Variants in AGBL4 observed in about 807,000 individuals in gnomAD.
AGBL4 encodes AGBL carboxypeptidase 4.
A neutral mutation model predicts 66.4 loss-of-function variants in AGBL4; 58 were observed. That is an observed-to-expected ratio of 0.87 (90% CI 0.71 to 1.09). AGBL4 has a LOEUF of 1.09. AGBL4 is among the 50% of genes least tolerant of loss of function. The pLI is 0.00. For missense variants in AGBL4, 579 were observed against 631.0 expected, an observed-to-expected ratio of 0.92 and a Z score of 0.88; for synonymous variants, 234 against 222.9, an observed-to-expected ratio of 1.05 and a Z score of -0.44.
chr1:49,071,210 A>AT, intron 4 of AGBL4, among the ~76,000 whole-genome samples: 1 of 151,566 alleles, frequency 6.6e-6, no homozygotes, highest in African/African-American at 2.4e-5. Flanking sequence ...GGGTTCATTG[A>AT]TTTTTTGAAG....
At chr1:49,299,328 G>C (rs1557818621) in intron 3 of AGBL4, among the ~76,000 whole-genome samples, 1 of 152,180 alleles carries the variant, frequency 6.6e-6, no homozygotes, top group Non-Finnish European at 1.5e-5. Flanking sequence ...AACACAGCTT[G>C]TGGTAGAATG....
chr1:49,656,501 T>A (rs1336519200), intron 3 of AGBL4, among the ~76,000 whole-genome samples: 1 of 152,156 alleles, frequency 6.6e-6, no homozygotes, highest in African/African-American at 2.4e-5. Flanking sequence ...CCCTAACTCA[T>A]TTTATGAGGC....
chr1:49,721,072 G>T (rs1424477050), intron 2 of AGBL4, among the ~76,000 whole-genome samples: 1 of 152,076 alleles, frequency 6.6e-6, no homozygotes, highest in East Asian at 1.9e-4. Flanking sequence ...CAAGGGGATT[G>T]TAAAATGCTT....
intron 3 of AGBL4, among the ~76,000 whole-genome samples, chr1:49,636,331 C>T (rs1645671470): frequency 6.6e-6 from 1 of 152,138 alleles, no homozygotes; most frequent in African/African-American, 2.4e-5. Flanking sequence ...TGGTATATTG[C>T]TGAGAGAAAG....
chr1:49,991,674 A>AGT, intron 1 of AGBL4, among the ~76,000 whole-genome samples: 1 of 152,192 alleles, frequency 6.6e-6, no homozygotes, highest in Non-Finnish European at 1.5e-5. Flanking sequence ...CAAGGTGCCT[A>AGT]AAATAAATCT....
rs116165147 is a variant in AGBL4, at chr1:49,262,281, C to T, written c.283-16417G>A. Among the ~76,000 whole-genome samples, 820 of 152,204 alleles carry T rather than the reference C, an allele frequency of 5.4e-3. 8 individuals carry two copies. The highest frequency in any genetic ancestry group is 6.4e-3 in the Non-Finnish European group (434 of 68,016). On this transcript the variant is annotated intron_variant, in intron 3 of 13. Transcript: ENST00000371839. ...ACTTCATGTCTAAAACACTTCATGGCGACAAAAGACAAAATTGACAAATGG... is the reference window on the plus strand; with the variant it reads ...ACTTCATGTCTAAAACACTTCATGGTGACAAAAGACAAAATTGACAAATGG...
intron 1 of AGBL4, among the ~76,000 whole-genome samples, chr1:49,960,921 G>A (rs1657068110): frequency 1.3e-5 from 2 of 151,960 alleles, no homozygotes; most frequent in Non-Finnish European, 2.9e-5. Context: ...GAATATTTGT[G>A]AGCCACGTGA....
Position 48,886,655 on chromosome 1 carries a change from C to A in AGBL4, c.595-19425G>T, listed in dbSNP as rs1650379184. On this transcript the variant is annotated intron_variant, in intron 5 of 13. Transcript: ENST00000371839. ...GCAAGCTCTGCCTCCTGGGTGCACG[C>A]TATTCTCCTGCCCCAGCCTCCCGAG... 2.0e-5 allele frequency among the ~76,000 whole-genome samples: 3 copies of A among 152,222 alleles called. No homozygotes were observed. In the South Asian group the frequency reaches 6.2e-4, roughly 32 times the overall value.
At chr1:49,003,033 A>G (rs1230692090) in intron 5 of AGBL4, among the ~76,000 whole-genome samples, 1 of 152,230 alleles carries the variant, frequency 6.6e-6, no homozygotes, top group Non-Finnish European at 1.5e-5. Context: ...ACAGAAGAAC[A>G]TACCTTGTTT....
chr1:49,258,448 G>A (rs1042341110), intron 3 of AGBL4, among the ~76,000 whole-genome samples: 1 of 152,236 alleles, frequency 6.6e-6, no homozygotes, highest in African/African-American at 2.4e-5. Flanking sequence ...AACCAATATA[G>A]AGAAGTGCTT....
chr1:49,097,265 A>G (rs1316785236), intron 4 of AGBL4, among the ~76,000 whole-genome samples: 2 of 152,192 alleles, frequency 1.3e-5, no homozygotes, highest in Non-Finnish European at 2.9e-5. Context: ...GAGTTCCAAA[A>G]TTCCACCAAC....
chr1:49,042,388 C>T (rs532243935), intron 5 of AGBL4, among the ~76,000 whole-genome samples: 9 of 152,242 alleles, frequency 5.9e-5, no homozygotes, highest in South Asian at 2.1e-4. Context: ...CCTGTGGCAG[C>T]GACTTTAAGC....
At chr1:49,671,112 A>G (rs552051109) in intron 3 of AGBL4, among the ~76,000 whole-genome samples, 1 of 152,342 alleles carries the variant, frequency 6.6e-6, no homozygotes, top group East Asian at 1.9e-4. Flanking sequence ...TAGCCAAAAA[A>G]GCATGGTACT....
At chr1:49,756,718 T>G (rs1156672760) in intron 2 of AGBL4, among the ~76,000 whole-genome samples, 1 of 152,216 alleles carries the variant, frequency 6.6e-6, no homozygotes, top group Non-Finnish European at 1.5e-5. Flanking sequence ...GATGGTTTTA[T>G]AAGGGGCTTT....
chr1:49,107,303 C>T (rs1645310490), intron 4 of AGBL4, among the ~76,000 whole-genome samples: 1 of 152,030 alleles, frequency 6.6e-6, no homozygotes, highest in Non-Finnish European at 1.5e-5. Flanking sequence ...ACTGTAGGCA[C>T]ATTTAAGGTA....
At chr1:49,976,186 G>A (rs1278413510) in intron 1 of AGBL4, among the ~76,000 whole-genome samples, 2 of 152,092 alleles carry the variant, frequency 1.3e-5, no homozygotes, top group African/African-American at 4.8e-5. Context: ...CTCATTATTT[G>A]TCTTTTTAAT....
rs1440214507 is a variant in AGBL4, at chr1:48,590,864, A to T, written c.1073T>A (p.Leu358His). The T allele has an allele frequency of 2.5e-6, 4 of 1,604,624 alleles. No homozygotes were observed. The change falls in exon 10 of 14, where the codon CTC (leucine) becomes CAC (histidine). Residue 358 changes from leucine to histidine, a missense_variant. Physicochemically the swap from Leu to His is moderately conservative, Grantham distance 99. Transcript: ENST00000371839. ...RFQRQAIFPK[L>H]LCQNAEDFSY... ...GAAGTCCTCAGCATTCTGGCAGAGGAGCTTGGGAAAAATGGCCTGCCTCTG... is the reference window on the plus strand; with the variant it reads ...GAAGTCCTCAGCATTCTGGCAGAGGTGCTTGGGAAAAATGGCCTGCCTCTG...
chr1:49,737,920 T>C (rs1198692598), intron 2 of AGBL4, among the ~76,000 whole-genome samples: 2 of 152,208 alleles, frequency 1.3e-5, no homozygotes, highest in Non-Finnish European at 2.9e-5. Flanking sequence ...GATTTCTGCA[T>C]TTCCAACTGA....
At chr1:49,550,212 T>C (rs577340656) in intron 3 of AGBL4, among the ~76,000 whole-genome samples, 9 of 152,304 alleles carry the variant, frequency 5.9e-5, no homozygotes, top group African/African-American at 2.2e-4. Context: ...GATAGTTGAT[T>C]GGTGAGTTCT....
Sources: allele counts gnomAD v4.1 joint callset (sites outside exome capture counted in the v4.1 genomes callset), GRCh38; gene constraint gnomAD v4.1.1; transcripts MANE v1.5; gene names NCBI Gene and HGNC (gene_info 2026-07-23, HGNC 2026-07-21).